SMPDL3B: variants seen among roughly 807,000 people sequenced by gnomAD.
The protein encoded by SMPDL3B is acid sphingomyelinase-like phosphodiesterase 3b.
Under a neutral mutation model 37.9 loss-of-function variants are expected in SMPDL3B, and 31 were observed. That is an observed-to-expected ratio of 0.82 (90% confidence interval 0.61 to 1.10). SMPDL3B has a LOEUF of 1.10. Ranked by LOEUF, SMPDL3B falls within the 50% of genes least tolerant of loss-of-function variation. SMPDL3B has a pLI of 0.00. For synonymous variants in SMPDL3B, 235 were observed against 242.6 expected, an observed-to-expected ratio of 0.97 and a Z score of 0.29; for missense variants, 525 against 597.8, an observed-to-expected ratio of 0.88 and a Z score of 1.27.
chr1:27,942,195 G>A (rs4908341), intron 1 of SMPDL3B: 194,172 of 419,124 alleles, frequency 0.46, 47,142 homozygotes, highest in South Asian at 0.64. Flanking sequence ...ACGTCAAAGG[G>A]GCCAAACTGC....
At position 27,956,083 on chromosome 1, in the gene SMPDL3B, G is replaced by C; in HGVS notation, c.1005+1G>C. The stretch of plus-strand genomic sequence containing the variant: ...TGACCGAGCCACACTGAGCCTGAAG[G>C]TCAGGAGTCCTGCGGAGGCCAGAGG... On this transcript the variant is annotated splice_donor_variant, in intron 7 of 7. Coordinates refer to ENST00000373894, the MANE Select transcript of SMPDL3B (RefSeq NM_014474.4). LOFTEE classifies it high-confidence loss of function. 1 of 1,614,156 alleles carries C rather than the reference G, an allele frequency of 6.2e-7. No individual in the cohort carries two copies. Among genetic ancestry groups the C allele is most frequent in the Non-Finnish European group, 8.5e-7 (1 of 1,180,032 alleles).
At chr1:27,948,472 C>A (rs1004347425) in intron 2 of SMPDL3B, among the ~76,000 whole-genome samples, 30 of 152,136 alleles carry the variant, frequency 2.0e-4, no homozygotes, top group African/African-American at 7.0e-4. Flanking sequence ...CCTTGCCAAG[C>A]ATTTCTAAGG....
At position 27,945,524 on chromosome 1, in the gene SMPDL3B, A is replaced by C. The variant is rs1327539409; in HGVS notation, c.275+79A>C. ...CATACCAGTCTGGCCCTTTGCCCAC[A>C]TTATCTCCCTTAATCCTCACATCAG... On this transcript the variant is annotated intron_variant, in intron 2 of 7. Coordinates refer to ENST00000373894, the MANE Select transcript of SMPDL3B (RefSeq NM_014474.4). The surrounding 1 kb of genome is among the most constrained non-coding windows in gnomAD (Gnocchi z 4.0). 1.8e-6 allele frequency: 2 copies of C among 1,131,050 alleles called. No individual in the cohort carries two copies. The highest frequency in any genetic ancestry group is 2.6e-6 in the Non-Finnish European group (2 of 756,504). The allele number at this position is 1,131,050 out of a possible 1,614,324, so 70.1% of individuals were successfully genotyped here.
chr1:27,956,620 CTTTA>C, intron 7 of SMPDL3B: 1 of 412,984 alleles, frequency 2.4e-6, no homozygotes, highest in Non-Finnish European at 3.3e-6. Flanking sequence ...AATATTATTC[CTTTA>C]TTTATCCAAC....
rs1408924857 is a variant in SMPDL3B, at chr1:27,959,097, A to G, written c.*259A>G. On this transcript the variant is annotated 3_prime_UTR_variant, in exon 8 of 8. Transcript: ENST00000373894. Reference sequence around the variant, plus strand: ...GACGACCCAAGACCCCCCTACAAGCATACTTCTTTTGCGTATTATGTTTAA... The same window carrying G: ...GACGACCCAAGACCCCCCTACAAGCGTACTTCTTTTGCGTATTATGTTTAA... 2 of 490,590 alleles carry G rather than the reference A, an allele frequency of 4.1e-6. No homozygotes were observed. The highest frequency in any genetic ancestry group is 7.4e-6 in the Non-Finnish European group (2 of 271,870). The allele number at this position is 490,590 out of a possible 1,614,324, so 30.4% of individuals were successfully genotyped here. A position where few individuals can be genotyped will look rare whatever the true frequency, so the allele number is the denominator to read the frequency against.
intron 5 of SMPDL3B, 94 bp from the exon 6 acceptor site, chr1:27,955,590 C>A: frequency 7.7e-7 from 1 of 1,300,132 alleles, no homozygotes; most frequent in Non-Finnish European, 1.1e-6. Flanking sequence ...GGCCTGTCTA[C>A]CTGCCTTTGG....
At chr1:27,939,293 C>T (rs1489781039) in intron 1 of SMPDL3B, among the ~76,000 whole-genome samples, 1 of 152,130 alleles carries the variant, frequency 6.6e-6, no homozygotes, top group East Asian at 1.9e-4. Context: ...GTTCTCCCCA[C>T]CCCTATCACA....
At chr1:27,935,304 G>A in intron 1 of SMPDL3B, 60 bp downstream of exon 1, 3 of 1,313,982 alleles carry the variant, frequency 2.3e-6, no homozygotes, top group Non-Finnish European at 3.3e-6. Flanking sequence ...TGGGGCTGCG[G>A]GAAGCTGCTC....
intron 1 of SMPDL3B, among the ~76,000 whole-genome samples, chr1:27,943,581 G>C (rs2090378055): frequency 6.6e-6 from 1 of 152,152 alleles, no homozygotes; most frequent in Non-Finnish European, 1.5e-5. Context: ...CACAAGAAAT[G>C]GGGGAGGAAG....
chr1:27,958,578 GC>G lies in SMPDL3B; in HGVS notation c.1110del (p.Ser371AlafsTer74). The G allele has an allele frequency of 6.2e-7, 1 of 1,613,882 alleles. No homozygotes were observed. Among genetic ancestry groups the G allele is most frequent in the Non-Finnish European group, 8.5e-7 (1 of 1,179,986 alleles). ...GACCGAGGCCTATGGGGTGCCGGAC[GC>G]CAGCGCCCACTCCATGCACACAGTG... ...QLTEAYGVPD[A>X]SAHSMHTVLD... On this transcript the variant is annotated frameshift_variant, in exon 8 of 8. Transcript: ENST00000373894. LOFTEE classifies it low-confidence loss of function (END_TRUNC). This position sits in a 1 kb window ranked among gnomAD's most constrained non-coding sequence, Gnocchi z 5.6.
chr1:27,955,551 G>A (rs910981340), intron 5 of SMPDL3B, 133 bp from the exon 6 acceptor site: 28 of 817,774 alleles, frequency 3.4e-5, no homozygotes, highest in South Asian at 1.6e-4. Context: ...CATGGAATCC[G>A]GGAGGCCTTC....
rs2090433937 is a variant in SMPDL3B at position 27,949,068 on chromosome 1, T to C, written c.279T>C (p.Asp93=). 4 of 1,614,108 alleles carry C rather than the reference T, an allele frequency of 2.5e-6. No homozygotes were observed. The highest frequency in any genetic ancestry group is 1.7e-6 in the Non-Finnish European group (2 of 1,180,034). ...PEPDFILWTG[D]DTPHVPDEKL... is the part of the protein sequence containing the mutation. The stretch of plus-strand genomic sequence containing the variant: ...TTGGCTTGGTGGTGTTTTGTAGTGA[T>C]GACACGCCTCATGTGCCCGATGAGA... The change falls in exon 3 of 8, where the codon GAT becomes GAC. Residue 93 remains aspartate (D), a synonymous_variant. Coordinates refer to ENST00000373894, the MANE Select transcript of SMPDL3B (RefSeq NM_014474.4).
Position 27,955,878 on chromosome 1 carries a change from A to T in SMPDL3B, c.871+14A>T. Reference sequence around the variant, plus strand: ...ATGATGATGCAGGTATTCAACCTGGAGGGCAACTGCCAGCTCCCTCCCTCC... The same window carrying T: ...ATGATGATGCAGGTATTCAACCTGGTGGGCAACTGCCAGCTCCCTCCCTCC... On this transcript the variant is annotated intron_variant, in intron 6 of 7. Coordinates refer to ENST00000373894, the MANE Select transcript of SMPDL3B (RefSeq NM_014474.4). The T allele has an allele frequency of 6.2e-7, 1 of 1,611,940 alleles. No homozygotes were observed. The highest frequency in any genetic ancestry group is 8.5e-7 in the Non-Finnish European group (1 of 1,178,214).
At chr1:27,950,704 A>G (rs1419037274) in intron 3 of SMPDL3B, among the ~76,000 whole-genome samples, 1 of 152,126 alleles carries the variant, frequency 6.6e-6, no homozygotes, top group Non-Finnish European at 1.5e-5. Flanking sequence ...ATCTTGGCTC[A>G]CTGCAACCTC....
chr1:27,955,423 T>C (rs970754526), intron 5 of SMPDL3B, among the ~76,000 whole-genome samples: 7 of 152,134 alleles, frequency 4.6e-5, no homozygotes, highest in Non-Finnish European at 1.0e-4. Context: ...GGGGAGGTGC[T>C]CTTTGAAGTG....
At chr1:27,957,692 G>A (rs1483945976) in intron 7 of SMPDL3B, among the ~76,000 whole-genome samples, 3 of 152,114 alleles carry the variant, frequency 2.0e-5, no homozygotes, top group African/African-American at 7.2e-5. Flanking sequence ...GCACTCCAAG[G>A]GTCTGAGCAA....
intron 2 of SMPDL3B, 200 bp from the exon 3 acceptor site, chr1:27,948,865 G>T: frequency 1.1e-6 from 1 of 901,862 alleles, no homozygotes; most frequent in Non-Finnish European, 1.7e-6. Context: ...AGCCAATCAA[G>T]GGACCCACAG....
chr1:27,956,521 C>T, intron 7 of SMPDL3B: 1 of 1,087,268 alleles, frequency 9.2e-7, no homozygotes, highest in African/African-American at 1.6e-5. Flanking sequence ...CCATTGTCCA[C>T]ATTTTCCGTA....
At chr1:27,953,517 G>C (rs1038913045) in intron 4 of SMPDL3B, among the ~76,000 whole-genome samples, 159 bp downstream of exon 4, 6 of 152,198 alleles carry the variant, frequency 3.9e-5, no homozygotes, top group African/African-American at 1.4e-4. Context: ...CTTGGGAGCA[G>C]ACTCCAGAAT....
Sources: allele counts gnomAD v4.1 joint callset (sites outside exome capture counted in the v4.1 genomes callset), GRCh38; gene constraint gnomAD v4.1.1; non-coding constraint Gnocchi (gnomAD v3.1); transcripts MANE v1.5; gene names NCBI Gene and HGNC (gene_info 2026-07-23, HGNC 2026-07-21).